The following SPATA13 variants were observed in gnomAD, a reference collection of about 807,000 sequenced individuals.
The protein encoded by SPATA13 is spermatogenesis-associated protein 13.
In SPATA13, 50 loss-of-function variants were observed where a neutral mutation model predicts 104.0. The observed-to-expected ratio is 0.48, with a 90% confidence interval of 0.38 to 0.61. SPATA13 has a LOEUF of 0.61. Among genes scored for constraint, SPATA13 ranks in the 20% least tolerant of loss-of-function variants. The pLI is 0.00. For synonymous variants in SPATA13, 606 were observed against 667.5 expected (o/e 0.91, Z 1.42); for missense variants, 1,524 against 1,690.6 (o/e 0.90, Z 1.73).
At chr13:24,058,293 T>C (rs891209697) in intron 3 of SPATA13, among the ~76,000 whole-genome samples, 24 of 151,884 alleles carry the variant, frequency 1.6e-4, no homozygotes, top group Admixed American at 1.5e-3. Context: ...AGATTAACAA[T>C]GGTAATAGAA....
At position 24,225,136 on chromosome 13, in the gene SPATA13, C is replaced by T. The variant is rs186968562; in HGVS notation, c.1653+554C>T. Among the ~76,000 whole-genome samples the T allele has an allele frequency of 1.5e-3, 225 of 152,374 alleles. 3 individuals carry two copies. The highest frequency in any genetic ancestry group is 2.4e-4 in the Non-Finnish European group (16 of 68,036). ...CACTAGCCTCGTTCCACCCATTCTG[C>T]CCAGCAGGCTGCATTCGGCTTGCAC... On this transcript the variant is annotated intron_variant, in intron 2 of 12. Transcript: ENST00000382108.
intron 4 of SPATA13, among the ~76,000 whole-genome samples, chr13:24,278,997 CCTT>C (rs1198110218): frequency 8.2e-6 from 1 of 121,972 alleles, no homozygotes; most frequent in East Asian, 2.5e-4. Flanking sequence ...TCCCTCCCTT[CCTT>C]CCTTCCTTCC....
At chr13:24,284,009 T>C in intron 4 of SPATA13, 126 bp from the exon 5 acceptor site, 1 of 966,224 alleles carries the variant, frequency 1.0e-6, no homozygotes, top group Non-Finnish European at 1.5e-6. Context: ...TTCTAATAGT[T>C]TCTTATTCTG....
At chr13:24,086,215 A>G (rs1879713695) in intron 3 of SPATA13, among the ~76,000 whole-genome samples, 1 of 152,260 alleles carries the variant, frequency 6.6e-6, no homozygotes, top group Non-Finnish European at 1.5e-5. Context: ...TTTGAATTTC[A>G]GATAAACAAC....
intron 3 of SPATA13, among the ~76,000 whole-genome samples, chr13:24,127,465 G>T (rs983399893): frequency 1.3e-5 from 2 of 152,204 alleles, no homozygotes; most frequent in African/African-American, 4.8e-5. Context: ...GGGAGCCCCC[G>T]TAGGTAGTCT....
At position 24,048,728 on chromosome 13, in the gene SPATA13, A is replaced by C. The variant is rs1019997324; in HGVS notation, c.-112+31027A>C. On this transcript the variant is annotated intron_variant, in intron 3 of 14. Coordinates refer to the SPATA13 transcript ENST00000424834. ...TATAAAGACCCAAGCTGAACCGTTT[A>C]ATATCAGAGTGCACTCTCATAAAGT... Among the ~76,000 whole-genome samples, 7 of 152,198 alleles carry C rather than the reference A, an allele frequency of 4.6e-5. No homozygotes were observed. The South Asian group carries it at 1.4e-3, about 31-fold the overall frequency.
chr13:23,989,548 C>T (rs895742928), intron 2 of SPATA13, among the ~76,000 whole-genome samples: 1 of 152,190 alleles, frequency 6.6e-6, no homozygotes, highest in African/African-American at 2.4e-5. Flanking sequence ...TAAGCTCATG[C>T]AGCTAACTGC....
At chr13:24,103,493 A>AG in intron 3 of SPATA13, among the ~76,000 whole-genome samples, 1 of 148,430 alleles carries the variant, frequency 6.7e-6, no homozygotes, top group African/African-American at 2.5e-5. Context: ...TCAAAAAAAA[A>AG]AAAAAAAAAC....
chr13:24,107,781 T>C (rs1432308651), intron 3 of SPATA13, among the ~76,000 whole-genome samples: 2 of 152,168 alleles, frequency 1.3e-5, no homozygotes, highest in African/African-American at 2.4e-5. Flanking sequence ...TAGACTTTGG[T>C]GGGAACTCTC....
chr13:23,999,170 A>ACCTGC (rs1875831927), intron 2 of SPATA13, among the ~76,000 whole-genome samples: 1 of 151,778 alleles, frequency 6.6e-6, no homozygotes, highest in Admixed American at 6.6e-5. Flanking sequence ...CAAGTGATCC[A>ACCTGC]CCTGCCTCGG....
chr13:24,137,596 C>A (rs577373791), intron 3 of SPATA13, among the ~76,000 whole-genome samples: 1 of 152,122 alleles, frequency 6.6e-6, no homozygotes, highest in African/African-American at 2.4e-5. Context: ...CCCACCACTA[C>A]AAAAAATACA....
rs578130898 is a variant in SPATA13, at chr13:24,240,490, G to T, written c.1654-8987G>T. On this transcript the variant is annotated intron_variant, in intron 2 of 12. Coordinates refer to ENST00000382108, the MANE Select transcript of SPATA13 (RefSeq NM_001166271.3). ...GGTGACACGTGTCTATGATGTGAGG[G>T]AGGCAGGTGAGGTGAGGGGCACAGG... 8.0e-4 allele frequency among the ~76,000 whole-genome samples: 122 copies of T among 152,204 alleles called. 1 individual carries two copies. Among genetic ancestry groups the T allele is most frequent in the Middle Eastern group, 3.4e-3 (1 of 292 alleles).
At chr13:24,204,192 A>G (rs1297532345) in intron 1 of SPATA13, among the ~76,000 whole-genome samples, 1 of 152,190 alleles carries the variant, frequency 6.6e-6, no homozygotes, top group Non-Finnish European at 1.5e-5. Context: ...TGTTAGATAC[A>G]GTTACAGGAA....
chr13:24,208,305 A>G (rs1307753607), intron 1 of SPATA13, among the ~76,000 whole-genome samples: 1 of 152,244 alleles, frequency 6.6e-6, no homozygotes, highest in Non-Finnish European at 1.5e-5. Context: ...GCTGATAATA[A>G]CCTGTGTTCC....
At chr13:24,162,983 A>G (rs1882569199) in intron 1 of SPATA13, among the ~76,000 whole-genome samples, 1 of 152,226 alleles carries the variant, frequency 6.6e-6, no homozygotes. Context: ...CAGTGCATGG[A>G]GAAAAACCTA....
intron 3 of SPATA13, among the ~76,000 whole-genome samples, chr13:24,094,516 G>T (rs1189201795): frequency 6.6e-6 from 1 of 152,216 alleles, no homozygotes; most frequent in Non-Finnish European, 1.5e-5. Flanking sequence ...AAGCTAGGAG[G>T]TGGGTGCACA....
At chr13:23,984,101 A>C (rs1875039023) in intron 2 of SPATA13, among the ~76,000 whole-genome samples, 1 of 152,248 alleles carries the variant, frequency 6.6e-6, no homozygotes, top group South Asian at 2.1e-4. Flanking sequence ...GTGTGGCAAG[A>C]ACTCCAATTG....
At chr13:24,162,216 T>C (rs1384624591) in intron 1 of SPATA13, among the ~76,000 whole-genome samples, 1 of 152,194 alleles carries the variant, frequency 6.6e-6, no homozygotes, top group Non-Finnish European at 1.5e-5. Flanking sequence ...CCCATCTCCT[T>C]CCTTATTTGT....
At chr13:24,181,685 T>C (rs1157102586) in intron 1 of SPATA13, among the ~76,000 whole-genome samples, 2 of 152,014 alleles carry the variant, frequency 1.3e-5, no homozygotes, top group African/African-American at 4.8e-5. Flanking sequence ...CGCATAGAGC[T>C]GTCATCTGCT....
Sources: allele counts gnomAD v4.1 joint callset (sites outside exome capture counted in the v4.1 genomes callset), GRCh38; gene constraint gnomAD v4.1.1; transcripts MANE v1.5; gene names NCBI Gene and HGNC (gene_info 2026-07-23, HGNC 2026-07-21).